RBKS: variants seen among roughly 807,000 people sequenced by gnomAD.
RBKS encodes the protein ribokinase.
Under a neutral mutation model 33.9 loss-of-function variants are expected in RBKS, and 33 were observed. The observed-to-expected ratio is 0.97, with a 90% CI of 0.74 to 1.30. The LOEUF is 1.30. RBKS is among the 50% of genes most tolerant of loss of function. RBKS has a pLI of 0.00. For synonymous variants in RBKS, 125 were observed against 143.0 expected (o/e 0.87, Z 0.90); for missense variants, 361 against 392.6 (o/e 0.92, Z 0.68).
intron 2 of RBKS, among the ~76,000 whole-genome samples, chr2:27,848,626 T>C (rs757984911): frequency 1.3e-4 from 20 of 152,152 alleles, no homozygotes; most frequent in Non-Finnish European, 2.2e-4. Context: ...GGTATTTCAG[T>C]TTTTCCTTTG....
chr2:27,784,275 G>T (rs377386738), intron 7 of RBKS, among the ~76,000 whole-genome samples: 1 of 150,712 alleles, frequency 6.6e-6, no homozygotes, highest in East Asian at 2.0e-4. Flanking sequence ...GAGCCACCGC[G>T]CCCGGCCTCT....
At chr2:27,842,424 C>T (rs1663528883) in intron 5 of RBKS, among the ~76,000 whole-genome samples, 3 of 152,068 alleles carry the variant, frequency 2.0e-5, no homozygotes, top group African/African-American at 7.2e-5. Flanking sequence ...GAAAATATTA[C>T]ATATAAATAA....
At chr2:27,807,323 AG>A (rs538359210) in intron 7 of RBKS, among the ~76,000 whole-genome samples, 23 of 152,336 alleles carry the variant, frequency 1.5e-4, no homozygotes, top group Admixed American at 1.4e-3. Context: ...TACTGTATTA[AG>A]GAGGGATTAA....
intron 7 of RBKS, among the ~76,000 whole-genome samples, chr2:27,789,016 G>A (rs545446583): frequency 6.6e-6 from 1 of 152,232 alleles, no homozygotes; most frequent in East Asian, 1.9e-4. Context: ...TATGTAAATG[G>A]AAATGACCTA....
At chr2:27,824,673 G>A (rs1245546907) in intron 7 of RBKS, among the ~76,000 whole-genome samples, 1 of 152,140 alleles carries the variant, frequency 6.6e-6, no homozygotes, top group Admixed American at 6.5e-5. Flanking sequence ...GAATAATGCT[G>A]CTATGAACAT....
intron 1 of RBKS, among the ~76,000 whole-genome samples, chr2:27,876,716 T>G (rs1161132002): frequency 6.6e-6 from 1 of 152,090 alleles, no homozygotes; most frequent in Non-Finnish European, 1.5e-5. Flanking sequence ...TTTAGGAAGA[T>G]GAAAAAAGTT....
chr2:27,879,453 T>C (rs1664378393), intron 1 of RBKS, among the ~76,000 whole-genome samples: 1 of 152,090 alleles, frequency 6.6e-6, no homozygotes, highest in Non-Finnish European at 1.5e-5. Context: ...AGTGGGTTTG[T>C]TATCAAGGGA....
chr2:27,809,619 C>T, intron 7 of RBKS: 2 of 203,240 alleles, frequency 9.8e-6, no homozygotes, highest in Non-Finnish European at 2.0e-5. Context: ...TTTTGTGACC[C>T]CACTATTCTA....
At position 27,807,520 on chromosome 2, in the gene RBKS, A is replaced by G. The variant is rs183954853; in HGVS notation, c.795+20047T>C. ...CTCAGCCTCCTGAGTAGCTGGGACT[A>G]CAGGCATTTGCCACCACGCCTGGCT... is the stretch of plus-strand genomic sequence containing the variant. On this transcript the variant is annotated intron_variant, in intron 7 of 7. Transcript: ENST00000302188. Among the ~76,000 whole-genome samples, 17 of 152,190 alleles carry G rather than the reference A, an allele frequency of 1.1e-4. 1 individual carries two copies. In the Middle Eastern group the frequency reaches 0.01, roughly 91 times the overall value.
intron 5 of RBKS, among the ~76,000 whole-genome samples, chr2:27,833,735 T>TGTTTTAAATTAC (rs1437608988): frequency 1.3e-5 from 2 of 152,194 alleles, no homozygotes; most frequent in Non-Finnish European, 2.9e-5. Context: ...CACCCTTTGG[T>TGTTTTAAATTAC]TTGGGACTTC....
chr2:27,802,497 G>A (rs1474563863), intron 7 of RBKS, among the ~76,000 whole-genome samples: 2 of 151,942 alleles, frequency 1.3e-5, no homozygotes, highest in Non-Finnish European at 2.9e-5. Context: ...GGAAGAGGGA[G>A]GGTGATTAGG....
rs979444185 is a variant in RBKS at position 27,814,859 on chromosome 2, G to T, written c.795+12708C>A. ...TTCTGTATTTGTTCTTAAAGGAACT[G>T]AAATAGGAAGAGGAAAGCAAGAATG... is the stretch of plus-strand genomic sequence containing the variant. On this transcript the variant is annotated intron_variant, in intron 7 of 7. Transcript: ENST00000302188. Among the ~76,000 whole-genome samples, 3 of 152,190 alleles carry T rather than the reference G, an allele frequency of 2.0e-5. No homozygotes were observed. In the East Asian group the frequency reaches 5.8e-4, roughly 29 times the overall value.
intron 1 of RBKS, among the ~76,000 whole-genome samples, chr2:27,873,882 A>G (rs1317931151): frequency 6.6e-6 from 1 of 152,184 alleles, no homozygotes; most frequent in African/African-American, 2.4e-5. Flanking sequence ...CCAAAGCAAA[A>G]ACAAAACTCT....
intron 1 of RBKS, among the ~76,000 whole-genome samples, chr2:27,865,233 TGGCGTGAACCCAGGA>T: frequency 6.6e-6 from 1 of 152,272 alleles, no homozygotes; most frequent in East Asian, 1.9e-4. Context: ...GGCAGGAGAA[TGGCGTGAACCCAGGA>T]GGCGGAGGTT....
At chr2:27,840,264 C>T (rs1275471700) in intron 5 of RBKS, among the ~76,000 whole-genome samples, 1 of 151,150 alleles carries the variant, frequency 6.6e-6, no homozygotes, top group Non-Finnish European at 1.5e-5. Context: ...TCATGATCCA[C>T]CCACCTCGGC....
rs1436380532 is a variant in RBKS at position 27,848,069 on chromosome 2, T to A, written c.251A>T (p.Tyr84Phe). 6.6e-7 allele frequency: 1 copy of A among 1,507,988 alleles called. No individual in the cohort carries two copies. Among genetic ancestry groups the A allele is most frequent in the Non-Finnish European group, 9.2e-7 (1 of 1,092,182 alleles). 93.4% of individuals were successfully genotyped at this position (1,507,988 alleles called of 1,614,324 possible). ...ATCATTCTGTTTTAAGTTTTCTATA[T>A]AATCATTGCCAAAAGAATCTTTGCC... ...KVGKDSFGND[Y>F]IENLKQNDIS... The change falls in exon 3 of 8, where the codon TAT (tyrosine) becomes TTT (phenylalanine). Residue 84 changes from tyrosine to phenylalanine, a missense_variant. By Grantham distance (22) the Tyr-to-Phe change is conservative. Transcript: ENST00000302188.
At chr2:27,782,866 TA>T (rs772773291) in intron 7 of RBKS, among the ~76,000 whole-genome samples, 10 of 152,188 alleles carry the variant, frequency 6.6e-5, no homozygotes, top group Non-Finnish European at 1.3e-4. Flanking sequence ...TCTATCTCCT[TA>T]AGGGTGGGGT....
chr2:27,852,966 T>C (rs1663782346), intron 2 of RBKS, among the ~76,000 whole-genome samples: 1 of 152,214 alleles, frequency 6.6e-6, no homozygotes, highest in Non-Finnish European at 1.5e-5. Context: ...AACTTTTAAC[T>C]TGTCATTTGT....
chr2:27,839,802 CA>C (rs1463280784), intron 5 of RBKS, among the ~76,000 whole-genome samples: 3 of 152,012 alleles, frequency 2.0e-5, no homozygotes, highest in African/African-American at 7.3e-5. Flanking sequence ...CTCAAGAGAT[CA>C]TTAAGCCCAC....
Sources: gnomAD v4.1 joint callset for allele counts (sites outside exome capture counted in the v4.1 genomes callset) on GRCh38, gnomAD v4.1.1 for gene constraint, MANE v1.5 for transcripts, NCBI Gene and HGNC (gene_info 2026-07-23, HGNC 2026-07-21) for gene names.